The following PDXDC1 variants were observed in gnomAD, a reference collection of about 807,000 sequenced individuals.
PDXDC1 encodes pyridoxal dependent decarboxylase domain containing 1, also known as pyridoxal-dependent decarboxylase domain-containing protein 1.
Under a neutral mutation model 100.1 loss-of-function variants are expected in PDXDC1, and 42 were observed. The observed-to-expected ratio is 0.42, with a 90% CI of 0.33 to 0.54. The LOEUF (loss-of-function observed/expected upper bound fraction) is 0.54. Ranked by LOEUF, PDXDC1 falls within the 20% of genes least tolerant of loss-of-function variation. The pLI is 0.10. For synonymous variants in PDXDC1, 260 were observed against 371.7 expected, an observed-to-expected ratio of 0.70 and a Z score of 3.46; for missense variants, 636 against 979.2, an observed-to-expected ratio of 0.65 and a Z score of 4.68.
At chr16:15,094,687 A>C (rs372556353) in intron 16 of PDXDC1, 1 of 200,428 alleles carries the variant, frequency 5.0e-6, no homozygotes, top group South Asian at 7.6e-5. Flanking sequence ...TACTCAGTGC[A>C]GCAGTCTCAC....
chr16:15,033,047 A>G, intron 18 of PDXDC1, 68 bp downstream of exon 18: 1 of 1,098,398 alleles, frequency 9.1e-7, no homozygotes, highest in Admixed American at 1.7e-5. Context: ...TTTGAAGACG[A>G]CGGCTCATCC....
At chr16:15,146,211 G>T in the PDXDC1 span, among the ~76,000 whole-genome samples, 146 of 152,240 alleles carry the variant, frequency 9.6e-4, no homozygotes, top group Non-Finnish European at 1.5e-3. Context: ...TCACAGAGAT[G>T]CCCTGGCCTC....
At chr16:15,038,354 A>AAAAGTTG (rs61043180), downstream of PDXDC1, 193,594 of 642,936 alleles carry the variant, frequency 0.3, 31,520 homozygotes, top group Admixed American at 0.45. Flanking sequence ...TTAGTAAGAA[A>AAAAGTTG]AAAGTTGATT....
chr16:15,003,676 A>G (rs1443028408), intron 4 of PDXDC1, among the ~76,000 whole-genome samples: 3 of 152,406 alleles, frequency 2.0e-5, no homozygotes, highest in African/African-American at 7.2e-5. Flanking sequence ...ATCTCCTGGA[A>G]CTCAAATTAT....
At chr16:14,987,244 A>C (rs946671303) in intron 1 of PDXDC1, among the ~76,000 whole-genome samples, 3 of 152,418 alleles carry the variant, frequency 2.0e-5, no homozygotes, top group Admixed American at 2.0e-4. Context: ...ATTAAACCTT[A>C]GTTCTAAATA....
At chr16:15,065,369 T>C (rs149168742) in intron 16 of PDXDC1, 32 of 1,612,694 alleles carry the variant, frequency 2.0e-5, no homozygotes, top group Middle Eastern at 1.6e-4. Flanking sequence ...GAGCTGGTAC[T>C]TACTGTGGAA....
chr16:15,035,971 G>A (rs1037878286), intron 22 of PDXDC1, 45 bp from the exon 23 acceptor site: 2 of 1,565,216 alleles, frequency 1.3e-6, no homozygotes, highest in African/African-American at 2.7e-5. Flanking sequence ...TGTTGCAGAA[G>A]TATCCTCACT....
At position 15,079,874 on chromosome 16, in the gene PDXDC1, G is replaced by C. The variant is rs1366691599; in HGVS notation, c.1399+49818G>C. On this transcript the variant is annotated intron_variant, in intron 16 of 16. Coordinates refer to the PDXDC1 transcript ENST00000535621. ...GGCCTCCCAAAGTGCTGGGAATACA[G>C]GCGTGAGTCACCACGCCTGGCCAAG... 5 of 1,149,600 alleles carry C rather than the reference G, an allele frequency of 4.3e-6. No homozygotes were observed. In the East Asian group the frequency reaches 1.4e-4, roughly 32 times the overall value. The allele number at this position is 1,149,600 out of a possible 1,614,324, so 71.2% of individuals were successfully genotyped here.
intron 12 of PDXDC1, among the ~76,000 whole-genome samples, chr16:15,021,795 G>A (rs1161642230): frequency 6.6e-6 from 1 of 152,280 alleles, no homozygotes; most frequent in Non-Finnish European, 1.5e-5. Context: ...CATTTCCTGA[G>A]AGCGTAAATC....
intron 16 of PDXDC1, among the ~76,000 whole-genome samples, chr16:15,082,735 C>G (rs1400882057): frequency 2.0e-5 from 3 of 151,684 alleles, no homozygotes; most frequent in Non-Finnish European, 4.4e-5. Flanking sequence ...GGTCATGGTA[C>G]ATAATTCTTT....
At chr16:15,002,771 T>C (rs1201093131) in intron 4 of PDXDC1, among the ~76,000 whole-genome samples, 3 of 152,192 alleles carry the variant, frequency 2.0e-5, no homozygotes, top group Non-Finnish European at 4.4e-5. Flanking sequence ...ACCAGCAATG[T>C]ATGAGAGTAC....
intron 16 of PDXDC1, chr16:15,123,299 T>C: frequency 6.8e-6 from 10 of 1,465,362 alleles, no homozygotes; most frequent in Non-Finnish European, 9.2e-6. Flanking sequence ...ACCTGATTTC[T>C]GGTCCACCCC....
At chr16:15,055,229 T>C (rs76702213) in intron 16 of PDXDC1, among the ~76,000 whole-genome samples, 11,784 of 152,190 alleles carry the variant, frequency 0.077, 648 homozygotes, top group Non-Finnish European at 0.11. Flanking sequence ...AGTCCCTGCA[T>C]AAGCGTGGAC....
At chr16:15,099,819 T>G (rs1255867624) in intron 16 of PDXDC1, among the ~76,000 whole-genome samples, 9 of 152,312 alleles carry the variant, frequency 5.9e-5, no homozygotes, top group Admixed American at 5.9e-4. Context: ...ACTATCATCA[T>G]ATACCCAGAA....
chr16:14,985,281 CTTTTTTT>C (rs769346480), intron 1 of PDXDC1, among the ~76,000 whole-genome samples: 5 of 114,508 alleles, frequency 4.4e-5, no homozygotes, highest in East Asian at 3.1e-4. Flanking sequence ...TGATAAACAA[CTTTTTTT>C]TTTTTTTTTT....
At chr16:15,021,240 A>G (rs1224226072) in intron 12 of PDXDC1, among the ~76,000 whole-genome samples, 1 of 152,162 alleles carries the variant, frequency 6.6e-6, no homozygotes, top group Admixed American at 6.5e-5. Flanking sequence ...AGCCAGGTGT[A>G]GTGGCACACA....
intron 1 of PDXDC1, among the ~76,000 whole-genome samples, chr16:14,980,219 G>T (rs1367806086): frequency 1.3e-5 from 2 of 152,288 alleles, no homozygotes; most frequent in African/African-American, 2.4e-5. Flanking sequence ...CTATATCTAG[G>T]ATTATATGAG....
chr16:15,034,598 G>C, intron 21 of PDXDC1, 45 bp downstream of exon 21: 1 of 1,433,086 alleles, frequency 7.0e-7, no homozygotes, highest in Non-Finnish European at 9.8e-7. Flanking sequence ...ACCTTGGGAG[G>C]TTTCACCAAA....
At chr16:15,043,398 G>T (rs1395873865) in intron 16 of PDXDC1, among the ~76,000 whole-genome samples, 1 of 152,198 alleles carries the variant, frequency 6.6e-6, no homozygotes, top group Non-Finnish European at 1.5e-5. Flanking sequence ...TTAAAAATCA[G>T]CTGGGCATGG....
Sources: allele counts gnomAD v4.1 joint callset (sites outside exome capture counted in the v4.1 genomes callset), GRCh38; gene constraint gnomAD v4.1.1; transcripts MANE v1.5; gene names NCBI Gene and HGNC (gene_info 2026-07-23, HGNC 2026-07-21).